The following CALD1 variants were observed in gnomAD, a reference collection of about 807,000 sequenced individuals.
The protein encoded by CALD1 is caldesmon.
Under a neutral mutation model 99.9 loss-of-function variants are expected in CALD1, and 33 were observed. The observed-to-expected ratio is 0.33, with a 90% CI of 0.25 to 0.44. The LOEUF (loss-of-function observed/expected upper bound fraction) is 0.44. Among genes scored for constraint, CALD1 ranks in the 20% least tolerant of loss-of-function variants. The pLI, the probability that CALD1 is intolerant of heterozygous loss-of-function variation, is 1.00. For synonymous variants in CALD1, 310 were observed against 325.0 expected, an observed-to-expected ratio of 0.95 and a Z score of 0.50; for missense variants, 861 against 962.1, an observed-to-expected ratio of 0.89 and a Z score of 1.39.
chr7:134,913,426 A>T (rs551729304), intron 3 of CALD1, among the ~76,000 whole-genome samples: 1 of 152,362 alleles, frequency 6.6e-6, no homozygotes, highest in Non-Finnish European at 1.5e-5. Flanking sequence ...ATTAAATTTA[A>T]CATTACTTTA....
chr7:134,916,612 G>A (rs1804223476), intron 3 of CALD1, among the ~76,000 whole-genome samples: 1 of 152,238 alleles, frequency 6.6e-6, no homozygotes, highest in South Asian at 2.1e-4. Flanking sequence ...GCATCCACAT[G>A]CTGTGTACCG....
chr7:134,743,749 AC>A (rs202021238), upstream of CALD1, among the ~76,000 whole-genome samples: 623 of 152,328 alleles, frequency 4.1e-3, 2 homozygotes, highest in African/African-American at 0.014. Flanking sequence ...ACTTCTGTCC[AC>A]TTTTTGTTGA....
intron 1 of CALD1, among the ~76,000 whole-genome samples, chr7:134,772,383 C>G (rs1178554796): frequency 6.6e-6 from 1 of 152,218 alleles, no homozygotes; most frequent in Non-Finnish European, 1.5e-5. Context: ...GAGCAAGCCA[C>G]CGTGCCCAGC....
intron 7 of CALD1, among the ~76,000 whole-genome samples, chr7:134,946,887 T>G (rs1189927890): frequency 1.3e-5 from 2 of 151,856 alleles, no homozygotes; most frequent in Non-Finnish European, 2.9e-5. Flanking sequence ...AGGGTTTCAC[T>G]GTGTTGCCCA....
At chr7:134,873,463 G>C (rs1801200599) in intron 3 of CALD1, among the ~76,000 whole-genome samples, 1 of 152,166 alleles carries the variant, frequency 6.6e-6, no homozygotes, top group Non-Finnish European at 1.5e-5. Flanking sequence ...CTTCTGGCCA[G>C]GAAAGAGGGA....
chr7:134,762,360 T>G (rs934146628), intron 1 of CALD1, among the ~76,000 whole-genome samples: 1 of 152,300 alleles, frequency 6.6e-6, no homozygotes, highest in South Asian at 2.1e-4. Context: ...CTCTTTGAAC[T>G]TGGGCAGTCT....
At chr7:134,725,660 T>G in the CALD1 span, among the ~76,000 whole-genome samples, 1 of 152,222 alleles carries the variant, frequency 6.6e-6, no homozygotes, top group Non-Finnish European at 1.5e-5. Context: ...CCAAAGACAT[T>G]GGATTTTAAT....
At chr7:134,910,714 C>T (rs1203289268) in intron 3 of CALD1, among the ~76,000 whole-genome samples, 1 of 152,088 alleles carries the variant, frequency 6.6e-6, no homozygotes, top group Non-Finnish European at 1.5e-5. Context: ...TGGAAAACAC[C>T]AGTTGACTCC....
At position 134,958,288 on chromosome 7, in the gene CALD1, G is replaced by A. The variant is rs761976712; in HGVS notation, c.2059G>A (p.Glu687Lys). The change falls in exon 11 of 15, where the codon GAG becomes AAG. Residue 687 changes from glutamate (E) to lysine (K), a missense_variant and splice_region_variant. Physicochemically the swap from Glu to Lys is moderately conservative, Grantham distance 56. Coordinates refer to ENST00000361675, the MANE Select transcript of CALD1 (RefSeq NM_033138.4). Reference sequence around the variant, plus strand: ...ACTGGAGCAGTATACCAGTGCAATTGAGGTGAGAATTGTCCTCAGCGTTAT... The same window carrying A: ...ACTGGAGCAGTATACCAGTGCAATTAAGGTGAGAATTGTCCTCAGCGTTAT... The part of the protein sequence containing the change: ...SRLEQYTSAI[E>K]GTKSAKPTKP... 6.2e-7 allele frequency: 1 copy of A among 1,612,614 alleles called. No individual in the cohort carries two copies. The highest frequency in any genetic ancestry group is 1.7e-5 in the Admixed American group (1 of 59,970).
the CALD1 span, among the ~76,000 whole-genome samples, chr7:134,737,200 T>C: frequency 2.6e-5 from 4 of 152,162 alleles, no homozygotes; most frequent in East Asian, 1.9e-4. Context: ...TCACAGTTCA[T>C]TGCAGCCTTG....
chr7:134,958,317 C>A (rs118109992), intron 11 of CALD1, 27 bp downstream of exon 11: 53 of 1,548,596 alleles, frequency 3.4e-5, no homozygotes, highest in Non-Finnish European at 4.7e-5. Flanking sequence ...GCGTTATGGT[C>A]CTGCTGAACA....
intron 1 of CALD1, among the ~76,000 whole-genome samples, chr7:134,819,747 G>C (rs188814713): frequency 1.3e-5 from 2 of 152,122 alleles, no homozygotes; most frequent in Non-Finnish European, 2.9e-5. Flanking sequence ...GTGATGGCAC[G>C]TGCCTGTGGT....
intron 6 of CALD1, among the ~76,000 whole-genome samples, chr7:134,940,406 A>C (rs1806336755): frequency 6.6e-6 from 1 of 152,114 alleles, no homozygotes; most frequent in Non-Finnish European, 1.5e-5. Context: ...AGAGAACTAA[A>C]TTTTTATTGA....
At chr7:134,828,551 C>T (rs564863868) in intron 1 of CALD1, among the ~76,000 whole-genome samples, 2 of 152,258 alleles carry the variant, frequency 1.3e-5, no homozygotes, top group South Asian at 2.1e-4. Context: ...TGCTTAATCT[C>T]GTGGGTTAGA....
chr7:134,967,828 TCAG>T (rs1255379978), intron 14 of CALD1, among the ~76,000 whole-genome samples: 1 of 151,388 alleles, frequency 6.6e-6, no homozygotes, highest in Admixed American at 6.6e-5. Flanking sequence ...GTGAAAAAAA[TCAG>T]CAGAAGGAAG....
chr7:134,941,063 G>T, intron 6 of CALD1, 29 bp from the exon 7 acceptor site: 2 of 1,563,262 alleles, frequency 1.3e-6, no homozygotes, highest in Middle Eastern at 1.8e-4. Flanking sequence ...TTCTTGTTCT[G>T]TTTCTTCCTG....
chr7:134,712,036 AAG>A, the CALD1 span, among the ~76,000 whole-genome samples: 14 of 48,436 alleles, frequency 2.9e-4, 1 homozygote, highest in African/African-American at 3.3e-3. Flanking sequence ...AGAGGGAGGG[AAG>A]GAGGGAGAGA....
chr7:134,747,754 C>T (rs1328337931), intron 1 of CALD1, among the ~76,000 whole-genome samples: 2 of 152,226 alleles, frequency 1.3e-5, no homozygotes, highest in Admixed American at 6.5e-5. Flanking sequence ...GCTGCCTCTA[C>T]CTGGATTACA....
chr7:134,775,250 GC>G (rs564509051), upstream of CALD1, among the ~76,000 whole-genome samples: 960 of 152,064 alleles, frequency 6.3e-3, 8 homozygotes, highest in South Asian at 0.019. Context: ...TAGGCTTTCT[GC>G]TTTATTCTAT....
Sources: allele counts gnomAD v4.1 joint callset (sites outside exome capture counted in the v4.1 genomes callset), GRCh38; gene constraint gnomAD v4.1.1; transcripts MANE v1.5; gene names NCBI Gene and HGNC (gene_info 2026-07-23, HGNC 2026-07-21).